Variants in SORCS3 observed in about 807,000 individuals in gnomAD.
The protein encoded by SORCS3 is sortilin related VPS10 domain containing receptor 3, also known as VPS10 domain-containing receptor SorCS3.
SORCS3 carries 57 observed loss-of-function variants against 146.3 expected under a neutral mutation model. The observed-to-expected ratio is 0.39, with a 90% CI of 0.31 to 0.49. The LOEUF (loss-of-function observed/expected upper bound fraction) is 0.49, where lower values mean the gene tolerates loss of function less well. Ranked by LOEUF, SORCS3 falls within the 20% of genes least tolerant of loss-of-function variation. The pLI, the probability that SORCS3 is intolerant of heterozygous loss-of-function variation, is 0.92. For missense variants in SORCS3, 1,341 were observed against 1,575.5 expected (o/e 0.85, Z 2.52); for synonymous variants, 653 against 618.5 (o/e 1.06, Z -0.83).
chr10:105,120,426 T>C (rs1470357330), intron 7 of SORCS3, among the ~76,000 whole-genome samples: 1 of 152,162 alleles, frequency 6.6e-6, no homozygotes, highest in East Asian at 1.9e-4. Context: ...CCTTTTACAG[T>C]GTCAGTTACT....
intron 3 of SORCS3, among the ~76,000 whole-genome samples, chr10:104,939,935 G>A (rs910407507): frequency 6.6e-6 from 1 of 151,876 alleles, no homozygotes; most frequent in Non-Finnish European, 1.5e-5. Context: ...CCGGAAAGGG[G>A]TCTGGATCCA....
At chr10:104,990,430 G>C (rs2054986406) in intron 4 of SORCS3, among the ~76,000 whole-genome samples, 1 of 152,002 alleles carries the variant, frequency 6.6e-6, no homozygotes, top group Non-Finnish European at 1.5e-5. Context: ...CCTGCTCCTG[G>C]GGAGACTCTA....
At chr10:104,932,213 C>T (rs897720968) in intron 3 of SORCS3, among the ~76,000 whole-genome samples, 6 of 152,280 alleles carry the variant, frequency 3.9e-5, no homozygotes, top group Non-Finnish European at 7.4e-5. Context: ...CTACAGAACC[C>T]GTCTTGCCTC....
At chr10:105,259,158 A>G (rs572613197) in intron 25 of SORCS3, among the ~76,000 whole-genome samples, 99 of 152,262 alleles carry the variant, frequency 6.5e-4, no homozygotes, top group Admixed American at 2.7e-3. Context: ...AAAATGCTCT[A>G]TCATCAGTAC....
intron 4 of SORCS3, among the ~76,000 whole-genome samples, chr10:105,040,546 C>G (rs564000175): frequency 6.6e-6 from 1 of 152,276 alleles, no homozygotes; most frequent in Non-Finnish European, 1.5e-5. Flanking sequence ...CTGTCAACCT[C>G]TAGAGCTTTA....
chr10:105,093,144 G>A (rs533415209), intron 6 of SORCS3, among the ~76,000 whole-genome samples: 104 of 152,198 alleles, frequency 6.8e-4, no homozygotes, highest in Non-Finnish European at 1.3e-3. Flanking sequence ...TAACACATTC[G>A]GTGTAGAAAG....
At chr10:104,675,699 A>G (rs778709823) in intron 1 of SORCS3, among the ~76,000 whole-genome samples, 1 of 152,180 alleles carries the variant, frequency 6.6e-6, no homozygotes, top group South Asian at 2.1e-4. Context: ...TGAACTTTCT[A>G]TTTGGTTCCA....
intron 13 of SORCS3, among the ~76,000 whole-genome samples, chr10:105,168,828 A>G (rs566183512): frequency 6.6e-5 from 10 of 152,290 alleles, no homozygotes; most frequent in African/African-American, 2.2e-4. Flanking sequence ...TTCTACCACT[A>G]TGATATGGAG....
At chr10:105,092,005 C>T (rs1002501581) in intron 6 of SORCS3, among the ~76,000 whole-genome samples, 5 of 152,190 alleles carry the variant, frequency 3.3e-5, no homozygotes, top group Non-Finnish European at 7.3e-5. Flanking sequence ...GTGTAGGAAT[C>T]CCTTCTCCCA....
chr10:105,084,791 C>T (rs1211229835), intron 5 of SORCS3, among the ~76,000 whole-genome samples: 1 of 150,358 alleles, frequency 6.7e-6, no homozygotes. Context: ...AGTGCAGTGG[C>T]GCCATCTCGG....
intron 4 of SORCS3, among the ~76,000 whole-genome samples, chr10:105,025,802 C>T (rs776119329): frequency 1.2e-4 from 18 of 146,944 alleles, no homozygotes; most frequent in South Asian, 1.1e-3. Context: ...GGTGAATATC[C>T]GATGCCTGTA....
In SORCS3 at chr10:104,997,438, T is replaced by A. The variant is rs566931715; in HGVS notation, c.954+19945T>A. ...GTTTCTTTTGTTTTGAGACTTAACA[T>A]TTCCATCAATAATCTGATCCCATCT... On this transcript the variant is annotated intron_variant, in intron 4 of 26. Transcript: ENST00000369701. Among the ~76,000 whole-genome samples, 3 of 152,324 alleles carry A rather than the reference T, an allele frequency of 2.0e-5. No homozygotes were observed. The South Asian group carries it at 6.2e-4, about 32-fold the overall frequency.
intron 3 of SORCS3, among the ~76,000 whole-genome samples, chr10:104,925,802 G>A (rs1000404973): frequency 3.9e-5 from 6 of 152,234 alleles, no homozygotes; most frequent in African/African-American, 1.2e-4. Context: ...AGGAGATGCT[G>A]TATCAGTTAC....
At chr10:104,748,357 C>T (rs769241732) in intron 1 of SORCS3, among the ~76,000 whole-genome samples, 1 of 152,180 alleles carries the variant, frequency 6.6e-6, no homozygotes, top group Non-Finnish European at 1.5e-5. Flanking sequence ...CCGATAAAAT[C>T]AGTATTATTG....
chr10:104,909,575 A>T (rs1192290443), intron 2 of SORCS3, among the ~76,000 whole-genome samples: 1 of 152,086 alleles, frequency 6.6e-6, no homozygotes, highest in Non-Finnish European at 1.5e-5. Flanking sequence ...AAATGAGGAG[A>T]GGACTGAGGA....
intron 1 of SORCS3, among the ~76,000 whole-genome samples, chr10:104,701,468 G>C (rs2016278905): frequency 1.3e-5 from 2 of 152,180 alleles, no homozygotes; most frequent in Admixed American, 6.5e-5. Flanking sequence ...CAAAAGGGTA[G>C]CACCTTCAAC....
intron 2 of SORCS3, among the ~76,000 whole-genome samples, chr10:104,844,548 A>C (rs2018182693): frequency 6.6e-6 from 1 of 152,100 alleles, no homozygotes; most frequent in Non-Finnish European, 1.5e-5. Context: ...GTACCAAGAG[A>C]CACTATATAG....
At chr10:105,191,415 TAC>T (rs1344603215) in intron 14 of SORCS3, among the ~76,000 whole-genome samples, 1 of 152,168 alleles carries the variant, frequency 6.6e-6, no homozygotes, top group Non-Finnish European at 1.5e-5. Context: ...TCAAAACCTG[TAC>T]AGTTTTGTGG....
intron 20 of SORCS3, among the ~76,000 whole-genome samples, chr10:105,234,662 T>G (rs1280721117): frequency 6.6e-6 from 1 of 151,956 alleles, no homozygotes; most frequent in African/African-American, 2.4e-5. Context: ...TAAAAACACA[T>G]CAAAGGCATT....
Sources: gnomAD v4.1 joint callset for allele counts (sites outside exome capture counted in the v4.1 genomes callset) on GRCh38, gnomAD v4.1.1 for gene constraint, MANE v1.5 for transcripts, NCBI Gene and HGNC (gene_info 2026-07-23, HGNC 2026-07-21) for gene names.